The following FAM13A variants were observed in gnomAD, a reference collection of about 807,000 sequenced individuals.
FAM13A encodes protein FAM13A.
A neutral mutation model predicts 129.6 loss-of-function variants in FAM13A; 76 were observed. The ratio of observed to expected loss-of-function variants is 0.59; its 90% confidence interval spans 0.49 to 0.71. FAM13A has a LOEUF of 0.71. Among genes scored for constraint, FAM13A ranks in the 30% least tolerant of loss-of-function variants. FAM13A has a pLI of 0.00. For missense variants in FAM13A, 1,108 were observed against 1,249.3 expected (o/e 0.89, Z 1.70); for synonymous variants, 443 against 449.9 (o/e 0.98, Z 0.20).
intron 4 of FAM13A, among the ~76,000 whole-genome samples, chr4:88,946,306 G>C (rs1755841012): frequency 6.6e-6 from 1 of 151,158 alleles, no homozygotes; most frequent in Non-Finnish European, 1.5e-5. Context: ...AGTCTCCTCT[G>C]TCCGGTGTGC....
intron 4 of FAM13A, among the ~76,000 whole-genome samples, chr4:88,982,013 A>G (rs945124466): frequency 6.6e-6 from 1 of 152,236 alleles, no homozygotes; most frequent in African/African-American, 2.4e-5. Context: ...GCTATAAGGC[A>G]GAAGCCAAGA....
intron 6 of FAM13A, among the ~76,000 whole-genome samples, chr4:88,858,217 A>T (rs60265896): frequency 0.07 from 10,605 of 152,224 alleles, 516 homozygotes; most frequent in African/African-American, 0.14. Context: ...ACTCAGGTAA[A>T]TCTGTACATG....
chr4:89,019,700 G>A (rs1027992307), intron 3 of FAM13A, among the ~76,000 whole-genome samples: 3 of 146,238 alleles, frequency 2.1e-5, no homozygotes, highest in African/African-American at 7.5e-5. Flanking sequence ...GGCAGAAGTT[G>A]CAGTGAGCCA....
At chr4:88,912,450 G>A (rs1376331347) in intron 5 of FAM13A, among the ~76,000 whole-genome samples, 1 of 152,012 alleles carries the variant, frequency 6.6e-6, no homozygotes, top group African/African-American at 2.4e-5. Flanking sequence ...ACTGAGCCAT[G>A]CTACCAGCTT....
chr4:88,852,278 C>T (rs963203791), intron 6 of FAM13A, among the ~76,000 whole-genome samples: 1 of 151,870 alleles, frequency 6.6e-6, no homozygotes, highest in Non-Finnish European at 1.5e-5. Flanking sequence ...TCTCCTTCCT[C>T]AGCCTCCTGA....
intron 11 of FAM13A, among the ~76,000 whole-genome samples, chr4:88,775,680 C>G (rs1014781317): frequency 6.6e-6 from 1 of 152,016 alleles, no homozygotes; most frequent in Non-Finnish European, 1.5e-5. Flanking sequence ...GTACTCCAGG[C>G]TGGATGACAG....
chr4:88,913,796 G>A (rs1749608304), intron 5 of FAM13A, among the ~76,000 whole-genome samples: 1 of 152,020 alleles, frequency 6.6e-6, no homozygotes, highest in South Asian at 2.1e-4. Context: ...AATATATAAT[G>A]TTGCCCAAAT....
chr4:88,945,982 GTGTGTGTGTATATATATATA>G (rs1178542267), intron 4 of FAM13A, among the ~76,000 whole-genome samples: 1 of 24,828 alleles, frequency 4.0e-5, no homozygotes, highest in Non-Finnish European at 6.6e-5. Flanking sequence ...GTGTGTGTGT[GTGTGTGTGTATATATATATA>G]TATATATATA....
chr4:88,757,675 C>A (rs998653), intron 14 of FAM13A, among the ~76,000 whole-genome samples: 79,434 of 152,046 alleles, frequency 0.52, 22,604 homozygotes, highest in Non-Finnish European at 0.65. Flanking sequence ...GGTTTCTTAG[C>A]TTTCAAGGAC....
chr4:88,851,534 T>C (rs1737567408), intron 6 of FAM13A, among the ~76,000 whole-genome samples: 1 of 151,408 alleles, frequency 6.6e-6, no homozygotes, highest in Non-Finnish European at 1.5e-5. Flanking sequence ...GCAACTTGGA[T>C]TGAAGGAAAT....
Position 88,749,923 on chromosome 4 carries a change from G to A in FAM13A, c.1941-14C>T, listed in dbSNP as rs191621372. On this transcript the variant is annotated splice_polypyrimidine_tract_variant and intron_variant, in intron 15 of 23. Coordinates refer to ENST00000264344, the MANE Select transcript of FAM13A (RefSeq NM_014883.4). ...GAGCTTCGCCGCCTGTGAAGAGTAC[G>A]ACTTGGGTCAGTTTCCCCAGGAGCA... 1.5e-4 allele frequency: 245 copies of A among 1,611,906 alleles called. 1 individual carries two copies. The African/African-American group carries it at 1.7e-3, about 11-fold the overall frequency.
At chr4:88,894,550 G>C (rs1387669105) in intron 6 of FAM13A, among the ~76,000 whole-genome samples, 4 of 152,160 alleles carry the variant, frequency 2.6e-5, no homozygotes, top group Non-Finnish European at 5.9e-5. Context: ...TTGATACAGA[G>C]TCTCACTCTG....
intron 7 of FAM13A, among the ~76,000 whole-genome samples, chr4:88,833,897 C>T (rs1168748195): frequency 1.3e-5 from 2 of 151,576 alleles, no homozygotes; most frequent in African/African-American, 2.4e-5. Context: ...AAAAAAAAAT[C>T]CAATTTATTT....
Position 88,726,885 on chromosome 4 carries a change from T to C in FAM13A, c.*1648A>G, listed in dbSNP as rs555181229. On this transcript the variant is annotated 3_prime_UTR_variant, in exon 24 of 24. Transcript: ENST00000264344. ...TTCCAACACATAGCTCAAGCTTCCA[T>C]ACGATTAAGAGCAAACTTAAAGGCA... is the stretch of plus-strand genomic sequence containing the variant. The C allele has an allele frequency of 1.3e-5, 2 of 152,774 alleles. No homozygotes were observed. Among genetic ancestry groups the C allele is most frequent in the East Asian group, 1.9e-4 (1 of 5,186 alleles). The allele number at this position is 152,774 out of a possible 1,614,324, so 9.5% of individuals were successfully genotyped here.
rs142044366 is a variant in FAM13A, at chr4:89,041,643, G to A, written c.28-11994C>T. On this transcript the variant is annotated intron_variant, in intron 1 of 23. Coordinates refer to ENST00000264344, the MANE Select transcript of FAM13A (RefSeq NM_014883.4). ...CTTTAAAAGGATACTGTGGCAGGCC[G>A]GGCACGGTGGCTCATGCCTGTAATC... Among the ~76,000 whole-genome samples, 717 of 152,152 alleles carry A rather than the reference G, an allele frequency of 4.7e-3. 6 individuals carry two copies. The highest frequency in any genetic ancestry group is 0.017 in the African/African-American group (696 of 41,512).
intron 4 of FAM13A, among the ~76,000 whole-genome samples, chr4:88,972,299 CTT>C (rs57674045): frequency 7.3e-5 from 10 of 137,620 alleles, no homozygotes; most frequent in African/African-American, 2.2e-4. Context: ...TTCTCCTTCA[CTT>C]TTTTTTTTTT....
At chr4:88,785,557 G>A (rs1723797449) in intron 10 of FAM13A, among the ~76,000 whole-genome samples, 1 of 152,104 alleles carries the variant, frequency 6.6e-6, no homozygotes, top group Non-Finnish European at 1.5e-5. Flanking sequence ...TTTCAAGCAA[G>A]CAGATGAGCA....
chr4:89,028,556 C>T (rs6846926), intron 2 of FAM13A, among the ~76,000 whole-genome samples: 91,188 of 151,734 alleles, frequency 0.6, 28,051 homozygotes, highest in Middle Eastern at 0.69. Flanking sequence ...GGCAGTGTGG[C>T]AGAACACACC....
intron 4 of FAM13A, among the ~76,000 whole-genome samples, chr4:88,958,231 T>TC (rs1267506417): frequency 6.6e-6 from 1 of 152,162 alleles, no homozygotes; most frequent in African/African-American, 2.4e-5. Context: ...GCCCCTCCCA[T>TC]CACAGGCCCA....
Sources: gnomAD v4.1 joint callset for allele counts (sites outside exome capture counted in the v4.1 genomes callset) on GRCh38, gnomAD v4.1.1 for gene constraint, MANE v1.5 for transcripts, NCBI Gene and HGNC (gene_info 2026-07-23, HGNC 2026-07-21) for gene names.